The following NEDD4L variants were observed in gnomAD, a reference collection of about 807,000 sequenced individuals.
NEDD4L encodes the protein NEDD4 like E3 ubiquitin protein ligase.
A neutral mutation model predicts 148.9 loss-of-function variants in NEDD4L; 54 were observed. The ratio of observed to expected loss-of-function variants is 0.36; its 90% CI spans 0.29 to 0.45. NEDD4L has a LOEUF of 0.45. NEDD4L is among the 20% of genes least tolerant of loss of function. The pLI is 1.00. For synonymous variants in NEDD4L, 433 were observed against 440.7 expected, an observed-to-expected ratio of 0.98 and a Z score of 0.22; for missense variants, 856 against 1,233.8, an observed-to-expected ratio of 0.69 and a Z score of 4.59.
At chr18:58,210,609 C>T (rs1671930624) in intron 2 of NEDD4L, among the ~76,000 whole-genome samples, 1 of 152,054 alleles carries the variant, frequency 6.6e-6, no homozygotes, top group African/African-American at 2.4e-5. Context: ...CCATCATGCC[C>T]GGCTAATTTT....
chr18:58,394,518 G>A (rs1175296131), intron 30 of NEDD4L, among the ~76,000 whole-genome samples: 2 of 152,234 alleles, frequency 1.3e-5, no homozygotes, highest in South Asian at 4.1e-4. Flanking sequence ...AGCCACTTTC[G>A]GTGAAAGGCT....
intron 1 of NEDD4L, among the ~76,000 whole-genome samples, chr18:58,133,038 G>C (rs772928476): frequency 1.3e-4 from 20 of 152,152 alleles, no homozygotes; most frequent in Non-Finnish European, 2.4e-4. Flanking sequence ...GCAGATTTCA[G>C]TTATTCGTGA....
At chr18:58,106,684 A>G (rs568932635) in intron 1 of NEDD4L, among the ~76,000 whole-genome samples, 30 of 152,380 alleles carry the variant, frequency 2.0e-4, no homozygotes, top group Admixed American at 1.4e-3. Flanking sequence ...TGCCTGGCAG[A>G]TGATTAAAAA....
At chr18:58,045,080 T>G (rs1256086921) in intron 1 of NEDD4L, 2 of 404,114 alleles carry the variant, frequency 4.9e-6, no homozygotes, top group East Asian at 7.1e-5. Flanking sequence ...AGCCCGGGAG[T>G]CCATGATGCA....
intron 2 of NEDD4L, among the ~76,000 whole-genome samples, chr18:58,240,976 A>AT (rs778785442): frequency 1.3e-5 from 2 of 151,998 alleles, no homozygotes; most frequent in Non-Finnish European, 2.9e-5. Context: ...CACCCAGCTA[A>AT]TTTTTGTATT....
At chr18:58,241,613 C>T (rs532933075) in intron 2 of NEDD4L, among the ~76,000 whole-genome samples, 72 of 151,258 alleles carry the variant, frequency 4.8e-4, no homozygotes, top group Non-Finnish European at 9.6e-4. Context: ...CAGATTTGCA[C>T]GGGAAGTCAG....
intron 5 of NEDD4L, among the ~76,000 whole-genome samples, chr18:58,274,243 T>C (rs1049900167): frequency 6.6e-6 from 1 of 152,202 alleles, no homozygotes; most frequent in Non-Finnish European, 1.5e-5. Context: ...CCAGTCCGTC[T>C]CCACACTCCT....
chr18:58,326,409 T>A (rs771072695), intron 9 of NEDD4L, among the ~76,000 whole-genome samples: 2 of 152,236 alleles, frequency 1.3e-5, no homozygotes, highest in Non-Finnish European at 2.9e-5. Context: ...TTTGTTAAAG[T>A]TTTTTCCCAT....
intron 5 of NEDD4L, among the ~76,000 whole-genome samples, chr18:58,252,278 AGTTAAT>A (rs1952663172): frequency 6.6e-6 from 1 of 152,218 alleles, no homozygotes; most frequent in Admixed American, 6.5e-5. Context: ...TTTTTATTGC[AGTTAAT>A]GTTAACGAAA....
intron 17 of NEDD4L, 144 bp from the exon 18 acceptor site, chr18:58,350,847 A>T: frequency 1.7e-6 from 1 of 594,316 alleles, no homozygotes; most frequent in South Asian, 2.2e-5. Flanking sequence ...TGAAATGTTC[A>T]TATTTAGTTC....
intron 1 of NEDD4L, among the ~76,000 whole-genome samples, chr18:58,048,934 C>T (rs1328669492): frequency 1.3e-5 from 2 of 152,106 alleles, no homozygotes; most frequent in African/African-American, 2.4e-5. Context: ...TAACCTTTGG[C>T]GTGGATGCCA....
At chr18:58,126,733 G>T (rs1394513741) in intron 1 of NEDD4L, among the ~76,000 whole-genome samples, 1 of 152,184 alleles carries the variant, frequency 6.6e-6, no homozygotes, top group Non-Finnish European at 1.5e-5. Context: ...AGCATCAAGT[G>T]GGAGCTCCAG....
intron 5 of NEDD4L, chr18:58,255,794 G>A: frequency 8.1e-7 from 1 of 1,232,656 alleles, no homozygotes; most frequent in Admixed American, 4.2e-5. Flanking sequence ...CCAGAACGGA[G>A]GGGAGGACGG....
chr18:58,158,379 A>T (rs1410446832), intron 1 of NEDD4L, among the ~76,000 whole-genome samples: 1 of 152,202 alleles, frequency 6.6e-6, no homozygotes, highest in Non-Finnish European at 1.5e-5. Flanking sequence ...TACCCATGGG[A>T]AATTACCCAC....
chr18:58,333,976 C>A, intron 12 of NEDD4L, 84 bp downstream of exon 12: 1 of 845,764 alleles, frequency 1.2e-6, no homozygotes, highest in South Asian at 2.1e-5. Flanking sequence ...AAGAGTTTTT[C>A]CTGTGTAAAT....
At chr18:58,179,303 A>G (rs502430) in intron 2 of NEDD4L, among the ~76,000 whole-genome samples, 6,713 of 152,254 alleles carry the variant, frequency 0.044, 463 homozygotes, top group African/African-American at 0.15. Flanking sequence ...TTGTCCTTAC[A>G]TAGTTTCTTG....
chr18:58,348,829 A>G (rs2043472144), intron 16 of NEDD4L, among the ~76,000 whole-genome samples: 1 of 152,050 alleles, frequency 6.6e-6, no homozygotes, highest in Non-Finnish European at 1.5e-5. Flanking sequence ...CAGAGTACAT[A>G]TTTCTCTTTT....
intron 22 of NEDD4L, among the ~76,000 whole-genome samples, chr18:58,369,465 ATCTGTCC>A (rs2046545108): frequency 1.7e-4 from 8 of 46,288 alleles, no homozygotes; most frequent in African/African-American, 8.0e-4. Context: ...CATTCTGCAC[ATCTGTCC>A]GATGGGAATG....
In NEDD4L at chr18:58,397,203, A is replaced by C. The variant is rs1264978325; in HGVS notation, c.*934A>C. 2.0e-5 allele frequency: 3 copies of C among 152,568 alleles called. No individual in the cohort carries two copies. The highest frequency in any genetic ancestry group is 2.9e-5 in the Non-Finnish European group (2 of 68,022). 9.5% of individuals were successfully genotyped at this position (152,568 alleles called of 1,614,324 possible). Reference sequence around the variant, plus strand: ...AGAGACATTTTGAATGAAACTTGGCACTGCTTGATTCAAAACTGTGGAAAC... The same window carrying C: ...AGAGACATTTTGAATGAAACTTGGCCCTGCTTGATTCAAAACTGTGGAAAC... On this transcript the variant is annotated 3_prime_UTR_variant, in exon 31 of 31. Coordinates refer to ENST00000400345, the MANE Select transcript of NEDD4L (RefSeq NM_001144967.3).
Sources: allele counts gnomAD v4.1 joint callset (sites outside exome capture counted in the v4.1 genomes callset), GRCh38; gene constraint gnomAD v4.1.1; transcripts MANE v1.5; gene names NCBI Gene and HGNC (gene_info 2026-07-23, HGNC 2026-07-21).